The following IKBIP variants were observed in gnomAD, a reference collection of about 807,000 sequenced individuals.
The protein encoded by IKBIP is inhibitor of nuclear factor kappa-B kinase-interacting protein.
In IKBIP, 28 loss-of-function variants were observed where a neutral mutation model predicts 31.0. The ratio of observed to expected loss-of-function variants is 0.90; its 90% CI spans 0.67 to 1.24. IKBIP has a LOEUF of 1.24. IKBIP is among the 50% of genes most tolerant of loss of function. IKBIP has a pLI of 0.00. For missense variants in IKBIP, 453 were observed against 441.9 expected, an observed-to-expected ratio of 1.03 and a Z score of -0.23; for synonymous variants, 164 against 160.3, an observed-to-expected ratio of 1.02 and a Z score of -0.17.
intron 2 of IKBIP, among the ~76,000 whole-genome samples, chr12:98,631,888 C>A (rs1272324877): frequency 1.3e-5 from 2 of 151,622 alleles, no homozygotes; most frequent in Non-Finnish European, 2.9e-5. Context: ...TGGAGTCTCA[C>A]TCTGTTGCCC....
chr12:98,630,682 T>A (rs1008149085), intron 2 of IKBIP, among the ~76,000 whole-genome samples: 1 of 152,148 alleles, frequency 6.6e-6, no homozygotes, highest in South Asian at 2.1e-4. Context: ...TTACTGTATA[T>A]CTCATCTGAT....
At chr12:98,632,298 G>C (rs1029392987) in intron 2 of IKBIP, among the ~76,000 whole-genome samples, 2 of 150,140 alleles carry the variant, frequency 1.3e-5, no homozygotes, top group African/African-American at 4.9e-5. Flanking sequence ...GCAAGACCCC[G>C]TCTCTCCAAA....
At chr12:98,618,116 C>T (rs1173166475) in intron 2 of IKBIP, among the ~76,000 whole-genome samples, 1 of 152,048 alleles carries the variant, frequency 6.6e-6, no homozygotes, top group East Asian at 1.9e-4. Flanking sequence ...CTGTAGTGTG[C>T]TATGATTGTG....
chr12:98,622,258 G>C (rs180833300), downstream of IKBIP, among the ~76,000 whole-genome samples: 145 of 152,208 alleles, frequency 9.5e-4, no homozygotes, highest in Non-Finnish European at 1.5e-3. Context: ...GGGTATGGTG[G>C]CTTACACCTC....
chr12:98,636,361 C>A (rs1222788504), intron 1 of IKBIP, among the ~76,000 whole-genome samples: 1 of 152,130 alleles, frequency 6.6e-6, no homozygotes, highest in Non-Finnish European at 1.5e-5. Context: ...ACTGACTGAC[C>A]ATGTTTTGTG....
At chr12:98,616,150 C>A (rs2097606177) in intron 2 of IKBIP, among the ~76,000 whole-genome samples, 1 of 152,058 alleles carries the variant, frequency 6.6e-6, no homozygotes, top group Non-Finnish European at 1.5e-5. Context: ...CTCACCAACA[C>A]TTGTTATCTT....
At chr12:98,636,790 AT>A (rs796516047) in intron 1 of IKBIP, among the ~76,000 whole-genome samples, 1,614 of 145,662 alleles carry the variant, frequency 0.011, 13 homozygotes, top group African/African-American at 0.013. Flanking sequence ...GGCTTTTAGG[AT>A]TTTTTTTTTT....
exon 3 of IKBIP, chr12:98,613,501 A>G: frequency 1.5e-6 from 1 of 677,362 alleles, no homozygotes; most frequent in Non-Finnish European, 2.4e-6. Flanking sequence ...TTTGCTCCAA[A>G]ATATCATTAT....
intron 1 of IKBIP, among the ~76,000 whole-genome samples, chr12:98,641,799 C>A (rs1428393593): frequency 7.3e-6 from 1 of 136,518 alleles, no homozygotes; most frequent in Non-Finnish European, 1.6e-5. Flanking sequence ...GGGACTACAG[C>A]GAATGCCACC....
intron 2 of IKBIP, among the ~76,000 whole-genome samples, chr12:98,628,501 C>T (rs1662706184): frequency 6.6e-6 from 1 of 152,208 alleles, no homozygotes; most frequent in Non-Finnish European, 1.5e-5. Context: ...GTTACATTGT[C>T]CTTACTTCAA....
chr12:98,632,512 A>AATATATATATATATATATATAT (rs71436924), intron 2 of IKBIP, among the ~76,000 whole-genome samples: 2 of 22,796 alleles, frequency 8.8e-5, no homozygotes, highest in Non-Finnish European at 1.4e-4. Context: ...AAAAAAAAAA[A>AATATATATATATATATATATAT]ATATATATAT....
At chr12:98,643,701 T>A (rs971291798) in intron 1 of IKBIP, among the ~76,000 whole-genome samples, 1 of 152,226 alleles carries the variant, frequency 6.6e-6, no homozygotes, top group Admixed American at 6.5e-5. Flanking sequence ...AATCTGTAAC[T>A]TACTTAATAA....
chr12:98,644,220 G>C (rs2097635199), intron 1 of IKBIP, among the ~76,000 whole-genome samples: 1 of 152,170 alleles, frequency 6.6e-6, no homozygotes, highest in Non-Finnish European at 1.5e-5. Flanking sequence ...GACGTGTAGC[G>C]GGAGCTTCAG....
At position 98,625,766 on chromosome 12, in the gene IKBIP, C is replaced by T. The variant is rs2097613611; in HGVS notation, c.*164G>A. On this transcript the variant is annotated 3_prime_UTR_variant, in exon 3 of 3. Coordinates refer to ENST00000299157, the MANE Select transcript of IKBIP (RefSeq NM_153687.4). ...AGTTACAATGAAGTAAGTTTTAGTG[C>T]TTAAAAAGATAAGCTTTGATTATGT... is the stretch of plus-strand genomic sequence containing the variant. The T allele has an allele frequency of 2.2e-6, 1 of 458,836 alleles. No individual in the cohort carries two copies. The highest frequency in any genetic ancestry group is 4.0e-5 in the East Asian group (1 of 25,238). 28.4% of individuals were successfully genotyped at this position (458,836 alleles called of 1,614,324 possible).
At chr12:98,626,888 TCCA>T (rs2097615038) in intron 2 of IKBIP, 122 bp from the exon 3 acceptor site, 1 of 681,976 alleles carries the variant, frequency 1.5e-6, no homozygotes, top group Non-Finnish European at 2.5e-6. Context: ...GTCTAAAATA[TCCA>T]AGTATATCAG....
At chr12:98,621,337 G>C (rs1291970116), downstream of IKBIP, among the ~76,000 whole-genome samples, 2 of 152,192 alleles carry the variant, frequency 1.3e-5, no homozygotes, top group East Asian at 3.8e-4. Context: ...GATTAGAGGA[G>C]TACAGCCTAG....
intron 1 of IKBIP, among the ~76,000 whole-genome samples, chr12:98,640,147 G>A (rs2097629148): frequency 6.6e-6 from 1 of 152,056 alleles, no homozygotes; most frequent in Admixed American, 6.6e-5. Context: ...TTTTATAAAG[G>A]CAATTTAGGC....
downstream of IKBIP, among the ~76,000 whole-genome samples, chr12:98,621,585 G>A (rs995841882): frequency 1.3e-5 from 2 of 152,170 alleles, no homozygotes; most frequent in Admixed American, 6.5e-5. Context: ...ACAGTAGCAG[G>A]CTCCATGGTG....
At chr12:98,637,622 T>C (rs888540598) in intron 1 of IKBIP, among the ~76,000 whole-genome samples, 14 of 152,228 alleles carry the variant, frequency 9.2e-5, no homozygotes, top group African/African-American at 2.9e-4. Flanking sequence ...TTGGCCAGAA[T>C]GGTCTCGATC....
Sources: gnomAD v4.1 joint callset for allele counts (sites outside exome capture counted in the v4.1 genomes callset) on GRCh38, gnomAD v4.1.1 for gene constraint, MANE v1.5 for transcripts, NCBI Gene and HGNC (gene_info 2026-07-23, HGNC 2026-07-21) for gene names.